Variants in PCDHGA5 observed in about 807,000 individuals in gnomAD.
PCDHGA5 encodes protocadherin gamma subfamily A, 5.
PCDHGA5 carries 36 observed loss-of-function variants against 56.7 expected under a neutral mutation model. The ratio of observed to expected loss-of-function variants is 0.64; its 90% CI spans 0.49 to 0.84. The LOEUF is 0.84. Among genes scored for constraint, PCDHGA5 ranks in the 40% least tolerant of loss-of-function variants. The pLI is 0.00. For synonymous variants in PCDHGA5, 563 were observed against 520.2 expected (o/e 1.08, Z -1.12); for missense variants, 1,305 against 1,201.5 (o/e 1.09, Z -1.27).
At chr5:141,482,606 T>G (rs2099569173) in intron 1 of PCDHGA5, among the ~76,000 whole-genome samples, 1 of 146,712 alleles carries the variant, frequency 6.8e-6, no homozygotes, top group African/African-American at 2.6e-5. Context: ...AAAAAACACC[T>G]AAATGAGCCT....
chr5:141,508,971 T>C (rs776443205), intron 3 of PCDHGA5, among the ~76,000 whole-genome samples: 14 of 152,004 alleles, frequency 9.2e-5, no homozygotes, highest in Non-Finnish European at 2.1e-4. Context: ...ATGAAAGGGC[T>C]GGGGGTGGGG....
chr5:141,408,488 T>C lies in PCDHGA5; in HGVS notation c.2421+41737T>C, dbSNP rs199936765. ...GAACCGAATAGACCGTGAGCAAATA[T>C]GCAAAGAGAGAAGAAGATGTGAGTT... On this transcript the variant is annotated intron_variant, in intron 1 of 3. Transcript: ENST00000518069. The C allele has an allele frequency of 8.1e-6, 13 of 1,613,894 alleles. No individual in the cohort carries two copies. The highest frequency in any genetic ancestry group is 4.0e-5 in the African/African-American group (3 of 74,922).
chr5:141,402,949 A>C, intron 1 of PCDHGA5: 2 of 1,594,986 alleles, frequency 1.3e-6, no homozygotes, highest in South Asian at 1.1e-5. Flanking sequence ...AAAGCGAGGC[A>C]GCAATGGCAG....
chr5:141,413,051 C>T (rs1316813444), intron 1 of PCDHGA5: 1 of 952,822 alleles, frequency 1.0e-6, no homozygotes, highest in African/African-American at 1.7e-5. Context: ...TGCAGGGAAG[C>T]TCACTCCAGA....
intron 1 of PCDHGA5, chr5:141,416,530 G>C (rs976560428): frequency 6.6e-6 from 1 of 152,160 alleles, no homozygotes; most frequent in Non-Finnish European, 1.5e-5. Context: ...GCTCTTTAAT[G>C]TATAAGGAGG....
intron 1 of PCDHGA5, among the ~76,000 whole-genome samples, chr5:141,465,911 A>G (rs540115471): frequency 6.6e-6 from 1 of 152,260 alleles, no homozygotes; most frequent in East Asian, 1.9e-4. Context: ...TCACGAGGTC[A>G]GGATTTCGAG....
At position 141,388,901 on chromosome 5, in the gene PCDHGA5, T is replaced by G. The variant is rs776637275; in HGVS notation, c.2421+22150T>G. The G allele has an allele frequency of 2.5e-6, 4 of 1,613,722 alleles. No homozygotes were observed. The African/African-American group carries it at 5.3e-5, about 22-fold the overall frequency. On this transcript the variant is annotated intron_variant, in intron 1 of 3. Coordinates refer to ENST00000518069, the MANE Select transcript of PCDHGA5 (RefSeq NM_018918.3). ...TGGAGGTAGAAGTCATAGATGAAAA[T>G]GACAACGCCCCAGAAGTGATATTCC...
intron 1 of PCDHGA5, among the ~76,000 whole-genome samples, chr5:141,472,561 T>C (rs1000220187): frequency 2.6e-5 from 4 of 151,632 alleles, no homozygotes; most frequent in African/African-American, 9.7e-5. Flanking sequence ...AATTATATTA[T>C]AAATGCTGCA....
At chr5:141,444,059 T>C (rs2098415588) in intron 1 of PCDHGA5, among the ~76,000 whole-genome samples, 1 of 150,620 alleles carries the variant, frequency 6.6e-6, no homozygotes, top group Admixed American at 6.6e-5. Flanking sequence ...ATCTTCAATC[T>C]AGATTCTGAT....
intron 1 of PCDHGA5, chr5:141,385,477 T>C: frequency 7.0e-7 from 1 of 1,433,254 alleles, no homozygotes; most frequent in Non-Finnish European, 9.1e-7. Context: ...GACACTTTAA[T>C]ATAGAACACA....
At chr5:141,384,656 A>G in intron 1 of PCDHGA5, 1 of 1,614,192 alleles carries the variant, frequency 6.2e-7, no homozygotes, top group Non-Finnish European at 8.5e-7. Flanking sequence ...GAGCCCGGCT[A>G]CCTGGTGACC....
chr5:141,371,300 C>G, intron 1 of PCDHGA5: 1 of 1,613,950 alleles, frequency 6.2e-7, no homozygotes, highest in Non-Finnish European at 8.5e-7. Context: ...GGGAACTCAC[C>G]ACTATTGGAG....
intron 1 of PCDHGA5, chr5:141,427,795 C>A: frequency 6.7e-7 from 1 of 1,499,260 alleles, no homozygotes; most frequent in Non-Finnish European, 9.2e-7. Context: ...TCCTACGTGT[C>A]CGTGAGCGCA....
chr5:141,393,684 T>A, intron 1 of PCDHGA5: 1 of 1,613,904 alleles, frequency 6.2e-7, no homozygotes, highest in Non-Finnish European at 8.5e-7. Flanking sequence ...ACAAACTCCG[T>A]TATTCCAGCT....
rs992592523 is a variant in PCDHGA5 at position 141,432,710 on chromosome 5, C to T, written c.2422-62097C>T. ...CGTAGTGGCCGTCCAGGACCACGGC[C>T]AGCCCCCTCTCTCCGCCACTGTCAC... On this transcript the variant is annotated intron_variant, in intron 1 of 3. Coordinates refer to ENST00000518069, the MANE Select transcript of PCDHGA5 (RefSeq NM_018918.3). This position sits in a 1 kb window ranked among gnomAD's most constrained non-coding sequence, Gnocchi z 6.0. The T allele has an allele frequency of 6.2e-7, 1 of 1,613,884 alleles. No homozygotes were observed.
chr5:141,400,363 T>C (rs1271706599), intron 1 of PCDHGA5: 1 of 1,613,958 alleles, frequency 6.2e-7, no homozygotes, highest in Non-Finnish European at 8.5e-7. Flanking sequence ...GACTTTGCCT[T>C]ATTCCTACAA....
chr5:141,459,253 ATTAGTGTTGCCTCT>A (rs1439680561), intron 1 of PCDHGA5, among the ~76,000 whole-genome samples: 1 of 152,174 alleles, frequency 6.6e-6, no homozygotes, highest in African/African-American at 2.4e-5. Context: ...GTCACTATAA[ATTAGTGTTGCCTCT>A]TTCAGAATTT....
At chr5:141,383,438 T>G (rs771107415) in intron 1 of PCDHGA5, 1 of 1,613,960 alleles carries the variant, frequency 6.2e-7, no homozygotes, top group South Asian at 1.1e-5. Flanking sequence ...CACTTCTCCC[T>G]GGCTGTGCAA....
rs551396089 is a variant in PCDHGA5, at chr5:141,423,798, A to T, written c.2421+57047A>T. On this transcript the variant is annotated intron_variant, in intron 1 of 3. Coordinates refer to ENST00000518069, the MANE Select transcript of PCDHGA5 (RefSeq NM_018918.3). ...TATTTAGTTCATATATATTTAGAGC[A>T]ATACATGTGAGTTTTACTTTGCCTT... is the stretch of plus-strand genomic sequence containing the variant. 3.3e-6 allele frequency: 4 copies of T among 1,222,280 alleles called. No homozygotes were observed. The South Asian group carries it at 1.1e-4, about 33-fold the overall frequency. 75.7% of individuals were successfully genotyped at this position (1,222,280 alleles called of 1,614,324 possible). A position where few individuals can be genotyped will look rare whatever the true frequency, so the allele number is the denominator to read the frequency against.
Sources: gnomAD v4.1 joint callset for allele counts (sites outside exome capture counted in the v4.1 genomes callset) on GRCh38, gnomAD v4.1.1 for gene constraint, Gnocchi (gnomAD v3.1) non-coding constraint, MANE v1.5 for transcripts, NCBI Gene and HGNC (gene_info 2026-07-23, HGNC 2026-07-21) for gene names.